AFAP1L1: variants seen among roughly 807,000 people sequenced by gnomAD.
AFAP1L1 encodes the protein actin filament associated protein 1 like 1, also known as actin filament-associated protein 1-like 1.
A neutral mutation model predicts 99.8 loss-of-function variants in AFAP1L1; 77 were observed. The ratio of observed to expected loss-of-function variants is 0.77; its 90% confidence interval spans 0.64 to 0.93. The LOEUF (loss-of-function observed/expected upper bound fraction) is 0.93. Ranked by LOEUF, AFAP1L1 falls within the 40% of genes least tolerant of loss-of-function variation. The pLI is 0.00. For missense variants in AFAP1L1, 893 were observed against 996.8 expected, an observed-to-expected ratio of 0.90 and a Z score of 1.40; for synonymous variants, 373 against 395.3, an observed-to-expected ratio of 0.94 and a Z score of 0.67.
At chr5:149,318,303 G>GT (rs1398391762) in intron 12 of AFAP1L1, among the ~76,000 whole-genome samples, 1 of 152,300 alleles carries the variant, frequency 6.6e-6, no homozygotes, top group East Asian at 1.9e-4. Context: ...CAGAACCAAG[G>GT]TTTGTTTTTT....
chr5:149,309,195 A>G (rs533764897), intron 7 of AFAP1L1, among the ~76,000 whole-genome samples: 3 of 152,194 alleles, frequency 2.0e-5, no homozygotes, highest in Non-Finnish European at 2.9e-5. Context: ...TTATTATTAC[A>G]TTAAGGAGAT....
chr5:149,305,695 A>G (rs933551491), intron 5 of AFAP1L1, among the ~76,000 whole-genome samples: 6 of 152,186 alleles, frequency 3.9e-5, no homozygotes, highest in African/African-American at 1.4e-4. Context: ...AGTCACTATT[A>G]TGCACGATAT....
At position 149,322,620 on chromosome 5, in the gene AFAP1L1, G is replaced by A. The variant is rs1413236796; in HGVS notation, c.1713G>A (p.Glu571=). ...TCTCCCACCAGGACGAGGAGCCCGA[G>A]CGCCCCACAGGGGCCCAGGTGAAGC... ...PYEKMQDEEP[E]RPTGAQVKRH... The change falls in exon 15 of 19, where the codon GAG becomes GAA. Residue 571 remains glutamate (E), a synonymous_variant. Transcript: ENST00000296721. The A allele has an allele frequency of 6.3e-7, 1 of 1,579,630 alleles. No homozygotes were observed. The highest frequency in any genetic ancestry group is 8.6e-7 in the Non-Finnish European group (1 of 1,161,604).
At chr5:149,284,737 G>A (rs1467661669) in intron 1 of AFAP1L1, among the ~76,000 whole-genome samples, 1 of 152,138 alleles carries the variant, frequency 6.6e-6, no homozygotes, top group Non-Finnish European at 1.5e-5. Context: ...TGAGTTGTGA[G>A]CAGGAAGAGA....
chr5:149,315,596 C>T (rs1001161980), intron 9 of AFAP1L1: 6 of 527,170 alleles, frequency 1.1e-5, no homozygotes, highest in Admixed American at 6.2e-5. Context: ...TTAATTGCCT[C>T]CCTCCCCAAA....
chr5:149,325,302 G>A (rs749712639), intron 15 of AFAP1L1, among the ~76,000 whole-genome samples: 2 of 152,128 alleles, frequency 1.3e-5, no homozygotes, highest in Non-Finnish European at 2.9e-5. Context: ...AGGCATGTCT[G>A]GACAAGAAAA....
intron 16 of AFAP1L1, among the ~76,000 whole-genome samples, chr5:149,330,644 T>C (rs947152069): frequency 1.1e-4 from 16 of 152,116 alleles, no homozygotes; most frequent in Admixed American, 5.9e-4. Flanking sequence ...CCAGAATCAA[T>C]AGGAGGAAGG....
intron 16 of AFAP1L1, among the ~76,000 whole-genome samples, chr5:149,330,604 A>T (rs1757228374): frequency 6.6e-6 from 1 of 152,136 alleles, no homozygotes; most frequent in African/African-American, 2.4e-5. Flanking sequence ...TCTGGTTTAA[A>T]GGAGAAGACT....
chr5:149,297,217 A>C (rs1756045746), intron 1 of AFAP1L1, among the ~76,000 whole-genome samples: 1 of 152,224 alleles, frequency 6.6e-6, no homozygotes, highest in African/African-American at 2.4e-5. Context: ...AAAGAGGGAA[A>C]CATATTCATC....
chr5:149,282,023 C>T (rs1755533905), intron 1 of AFAP1L1, among the ~76,000 whole-genome samples: 1 of 152,178 alleles, frequency 6.6e-6, no homozygotes, highest in Non-Finnish European at 1.5e-5. Flanking sequence ...CCGGAATTAA[C>T]AAAGGAGGCT....
rs1757584802 is a variant in AFAP1L1 at position 149,342,529 on chromosome 5, C to T, written c.*2499C>T. Reference sequence around the variant, plus strand: ...AAATAGACGAATGAATGCATGGATGCAAGCAGCAACCTGGTGAACGTTAGG... The same window carrying T: ...AAATAGACGAATGAATGCATGGATGTAAGCAGCAACCTGGTGAACGTTAGG... On this transcript the variant is annotated 3_prime_UTR_variant, in exon 19 of 19. Coordinates refer to ENST00000296721, the MANE Select transcript of AFAP1L1 (RefSeq NM_152406.4). 6.6e-6 allele frequency among the ~76,000 whole-genome samples: 1 copy of T among 152,226 alleles called. No homozygotes were observed. The highest frequency in any genetic ancestry group is 1.5e-5 in the Non-Finnish European group (1 of 68,042).
intron 2 of AFAP1L1, 82 bp downstream of exon 2, chr5:149,299,719 G>A (rs1756130468): frequency 1.3e-6 from 2 of 1,584,460 alleles, no homozygotes; most frequent in Non-Finnish European, 1.7e-6. Flanking sequence ...AGAACATGCA[G>A]GAACCCTCCG....
At chr5:149,301,009 C>T in intron 3 of AFAP1L1, 124 bp from the exon 4 acceptor site, 1 of 704,552 alleles carries the variant, frequency 1.4e-6, no homozygotes, top group South Asian at 1.8e-5. Context: ...TTTAGGGTTA[C>T]TAACGGAGGG....
chr5:149,277,694 T>G (rs1755382024), intron 1 of AFAP1L1, among the ~76,000 whole-genome samples: 2 of 149,476 alleles, frequency 1.3e-5, no homozygotes, highest in African/African-American at 5.1e-5. Flanking sequence ...GTTCAGAGAA[T>G]GGACAAATTT....
intron 4 of AFAP1L1, among the ~76,000 whole-genome samples, chr5:149,301,824 T>C (rs542995344): frequency 6.6e-6 from 1 of 152,358 alleles, no homozygotes; most frequent in East Asian, 1.9e-4. Flanking sequence ...CCAGCAACAG[T>C]ACCAGTCACT....
chr5:149,291,782 G>A (rs1755868844), intron 1 of AFAP1L1, among the ~76,000 whole-genome samples: 2 of 152,136 alleles, frequency 1.3e-5, no homozygotes, highest in Admixed American at 1.3e-4. Flanking sequence ...GTAAGGCACT[G>A]GTTCTTTCTC....
chr5:149,306,185 G>T (rs1581316339), intron 5 of AFAP1L1, 121 bp from the exon 6 acceptor site: 2 of 756,576 alleles, frequency 2.6e-6, no homozygotes, highest in East Asian at 5.5e-5. Flanking sequence ...GGCCTGAGCT[G>T]CTCAGAGTGC....
chr5:149,301,376 A>T, intron 4 of AFAP1L1, 146 bp downstream of exon 4: 1 of 612,710 alleles, frequency 1.6e-6, no homozygotes, highest in Non-Finnish European at 2.9e-6. Context: ...CACAGGCAGC[A>T]CCATGTGAAC....
intron 15 of AFAP1L1, among the ~76,000 whole-genome samples, chr5:149,323,497 TTTTC>T (rs1184989321): frequency 6.6e-6 from 1 of 152,258 alleles, no homozygotes; most frequent in Non-Finnish European, 1.5e-5. Context: ...TCCAAAAGTT[TTTTC>T]TTTGTTCCTT....
Sources: allele counts gnomAD v4.1 joint callset (sites outside exome capture counted in the v4.1 genomes callset), GRCh38; gene constraint gnomAD v4.1.1; transcripts MANE v1.5; gene names NCBI Gene and HGNC (gene_info 2026-07-23, HGNC 2026-07-21).